Variants in FTO observed in about 807,000 individuals in gnomAD.
FTO encodes FTO alpha-ketoglutarate dependent dioxygenase.
FTO carries 47 observed loss-of-function variants against 63.9 expected under a neutral mutation model. The observed-to-expected ratio is 0.74, with a 90% confidence interval of 0.58 to 0.94. The LOEUF (loss-of-function observed/expected upper bound fraction) is 0.94, where lower values mean the gene tolerates loss of function less well. Ranked by LOEUF, FTO falls within the 40% of genes least tolerant of loss-of-function variation. The probability of loss-of-function intolerance (pLI) is 0.00; values close to 1 mark genes in which losing one functional copy is unlikely to be tolerated. For synonymous variants in FTO, 207 were observed against 224.4 expected (o/e 0.92, Z 0.69); for missense variants, 562 against 618.1 (o/e 0.91, Z 0.96).
rs79992071 is a variant in FTO at position 53,936,020 on chromosome 16, T to C, written c.1364+1911T>C. Among the ~76,000 whole-genome samples, 1,513 of 152,324 alleles carry C rather than the reference T, an allele frequency of 9.9e-3. 33 individuals carry two copies. Among genetic ancestry groups the C allele is most frequent in the African/African-American group, 0.034 (1,414 of 41,572 alleles). Reference sequence around the variant, plus strand: ...AGTGAGAGCATAAATGGATGTCTTTTGTTGAGTGCATTTGGTTTGTTAACA... The same window carrying C: ...AGTGAGAGCATAAATGGATGTCTTTCGTTGAGTGCATTTGGTTTGTTAACA... On this transcript the variant is annotated intron_variant, in intron 8 of 8. Coordinates refer to ENST00000471389, the MANE Select transcript of FTO (RefSeq NM_001080432.3).
At chr16:53,750,999 G>A (rs72803664) in intron 1 of FTO, among the ~76,000 whole-genome samples, 42,711 of 152,068 alleles carry the variant, frequency 0.28, 7,949 homozygotes, top group Non-Finnish European at 0.41. Context: ...AAGTATGGAC[G>A]TTTATTTAAT....
chr16:53,773,796 T>G (rs1430613861), intron 1 of FTO, among the ~76,000 whole-genome samples: 2 of 152,168 alleles, frequency 1.3e-5, no homozygotes, highest in African/African-American at 4.8e-5. Flanking sequence ...TAGTGAAGGT[T>G]TGTAAACACA....
intron 8 of FTO, among the ~76,000 whole-genome samples, chr16:53,980,549 A>C (rs1177464423): frequency 6.6e-6 from 1 of 152,208 alleles, no homozygotes; most frequent in African/African-American, 2.4e-5. Flanking sequence ...GGTGCTGAAA[A>C]GGCGGCTGAG....
chr16:54,016,422 G>C (rs1012456758), intron 8 of FTO, among the ~76,000 whole-genome samples: 2 of 152,116 alleles, frequency 1.3e-5, no homozygotes, highest in Non-Finnish European at 2.9e-5. Flanking sequence ...CCCTCATTTA[G>C]GCTGCTTTGC....
At chr16:53,882,965 A>T (rs894229791) in intron 6 of FTO, among the ~76,000 whole-genome samples, 1 of 152,046 alleles carries the variant, frequency 6.6e-6, no homozygotes, top group Admixed American at 6.5e-5. Context: ...ATTGTGCCTG[A>T]TGGGTGTTCT....
intron 8 of FTO, among the ~76,000 whole-genome samples, chr16:53,976,533 A>C (rs2143778739): frequency 6.6e-6 from 1 of 152,020 alleles, no homozygotes; most frequent in South Asian, 2.1e-4. Flanking sequence ...TTTTCTTTTT[A>C]GAAAATTTCG....
intron 4 of FTO, among the ~76,000 whole-genome samples, chr16:53,861,603 C>A (rs1267150415): frequency 6.6e-6 from 1 of 152,058 alleles, no homozygotes; most frequent in East Asian, 1.9e-4. Flanking sequence ...TTTTCTTATA[C>A]CCAATTTTCA....
chr16:54,112,964 TC>T lies in FTO; in HGVS notation c.*1052del, dbSNP rs1256627870. ...GGGTTTAAAACCTGAGCTTTAAGAC[TC>T]CCACTAGCTTCGTGTCCTTTGGCAT... On this transcript the variant is annotated 3_prime_UTR_variant, in exon 9 of 9. Transcript: ENST00000471389. The T allele has an allele frequency of 6.6e-6, 1 of 152,214 alleles. No homozygotes were observed. The highest frequency in any genetic ancestry group is 6.5e-5 in the Admixed American group (1 of 15,276). 9.4% of individuals were successfully genotyped at this position (152,214 alleles called of 1,614,324 possible). A position where few individuals can be genotyped will look rare whatever the true frequency, so the allele number is the denominator to read the frequency against.
intron 1 of FTO, among the ~76,000 whole-genome samples, chr16:53,800,464 G>A (rs1325337168): frequency 6.6e-6 from 1 of 152,136 alleles, no homozygotes; most frequent in Non-Finnish European, 1.5e-5. Flanking sequence ...TTTTGCTGTT[G>A]TTTGGTGGAG....
intron 8 of FTO, among the ~76,000 whole-genome samples, chr16:53,938,790 T>C (rs1056479930): frequency 5.9e-5 from 9 of 152,102 alleles, no homozygotes; most frequent in Non-Finnish European, 1.2e-4. Flanking sequence ...AGAATTGTTG[T>C]GTTACTGAAA....
intron 1 of FTO, among the ~76,000 whole-genome samples, chr16:53,748,681 C>G (rs1231842516): frequency 6.6e-6 from 1 of 152,120 alleles, no homozygotes; most frequent in East Asian, 1.9e-4. Context: ...GTCTTGAACT[C>G]CTGACGTCAG....
chr16:53,817,186 T>C (rs1400400511), intron 2 of FTO, among the ~76,000 whole-genome samples: 3 of 151,954 alleles, frequency 2.0e-5, no homozygotes, highest in African/African-American at 7.3e-5. Flanking sequence ...AATGAAGTAT[T>C]GAATGAATGA....
At chr16:53,987,711 G>A (rs1283245454) in intron 8 of FTO, among the ~76,000 whole-genome samples, 3 of 152,040 alleles carry the variant, frequency 2.0e-5, no homozygotes, top group African/African-American at 7.2e-5. Context: ...CACAGATAGT[G>A]GAAAGAGTCA....
intron 2 of FTO, among the ~76,000 whole-genome samples, chr16:53,815,009 C>A (rs1598732819): frequency 6.6e-6 from 1 of 151,832 alleles, no homozygotes. Context: ...CTCAGGTATA[C>A]TTGACAGGAA....
At chr16:54,098,571 T>C (rs1156752816) in intron 8 of FTO, among the ~76,000 whole-genome samples, 2 of 152,194 alleles carry the variant, frequency 1.3e-5, no homozygotes, top group African/African-American at 2.4e-5. Flanking sequence ...CTGTAAGCCA[T>C]TGTCCCTTGC....
At chr16:53,917,118 T>G (rs2081889780) in intron 7 of FTO, among the ~76,000 whole-genome samples, 1 of 152,154 alleles carries the variant, frequency 6.6e-6, no homozygotes. Flanking sequence ...CCAGCCATCC[T>G]TACTCTGCTA....
intron 8 of FTO, among the ~76,000 whole-genome samples, chr16:54,048,281 AG>A (rs1232159409): frequency 2.0e-5 from 3 of 147,668 alleles, no homozygotes; most frequent in Admixed American, 2.0e-4. Context: ...AAAGAAGCTA[AG>A]ATTTGAGTTG....
At chr16:54,041,195 T>C (rs1331372370) in intron 8 of FTO, among the ~76,000 whole-genome samples, 1 of 152,112 alleles carries the variant, frequency 6.6e-6, no homozygotes, top group Non-Finnish European at 1.5e-5. Context: ...TGAGTCACAG[T>C]TCCTCATGGT....
chr16:53,865,308 G>A (rs1047631761), intron 4 of FTO, among the ~76,000 whole-genome samples: 3 of 152,140 alleles, frequency 2.0e-5, no homozygotes, highest in Admixed American at 2.0e-4. Flanking sequence ...GCTCAGGAAT[G>A]TCCTCAGAGA....
Sources: gnomAD v4.1 joint callset for allele counts (sites outside exome capture counted in the v4.1 genomes callset) on GRCh38, gnomAD v4.1.1 for gene constraint, MANE v1.5 for transcripts, NCBI Gene and HGNC (gene_info 2026-07-23, HGNC 2026-07-21) for gene names.